Variants in RBL1 observed in about 807,000 individuals in gnomAD.
RBL1 encodes RB transcriptional corepressor like 1, also known as retinoblastoma-like protein 1.
RBL1 carries 82 observed loss-of-function variants against 123.0 expected under a neutral mutation model. The ratio of observed to expected loss-of-function variants is 0.67; its 90% CI spans 0.56 to 0.80. RBL1 has a LOEUF of 0.80. Among genes scored for constraint, RBL1 ranks in the 30% least tolerant of loss-of-function variants. The pLI is 0.00. For synonymous variants in RBL1, 405 were observed against 441.3 expected, an observed-to-expected ratio of 0.92 and a Z score of 1.03; for missense variants, 1,171 against 1,299.6, an observed-to-expected ratio of 0.90 and a Z score of 1.52.
intron 18 of RBL1, among the ~76,000 whole-genome samples, chr20:37,018,938 ACT>A (rs1266200917): frequency 4.6e-5 from 7 of 152,160 alleles, no homozygotes; most frequent in African/African-American, 1.7e-4. Flanking sequence ...ACAGAGCAAG[ACT>A]CTGCTCAAAT....
intron 13 of RBL1, among the ~76,000 whole-genome samples, chr20:37,040,541 C>G (rs911083300): frequency 2.6e-5 from 4 of 151,848 alleles, no homozygotes; most frequent in East Asian, 1.9e-4. Context: ...TTAGGAGAGA[C>G]GAGGTTTCAC....
chr20:37,033,134 C>T (rs1469101301), intron 15 of RBL1, among the ~76,000 whole-genome samples: 1 of 150,202 alleles, frequency 6.7e-6, no homozygotes, highest in Non-Finnish European at 1.5e-5. Flanking sequence ...CCTCCCATTT[C>T]AACCCCCGCA....
intron 9 of RBL1, among the ~76,000 whole-genome samples, chr20:37,060,375 T>C (rs990061067): frequency 5.9e-5 from 9 of 152,070 alleles, no homozygotes; most frequent in African/African-American, 2.2e-4. Flanking sequence ...AATCAAAACA[T>C]GCATAACTCA....
intron 6 of RBL1, 117 bp downstream of exon 6, chr20:37,066,607 G>C: frequency 1.1e-6 from 1 of 912,194 alleles, no homozygotes; most frequent in Non-Finnish European, 1.6e-6. Flanking sequence ...AGAGGCTAAA[G>C]CCTGGGAATC....
intron 9 of RBL1, among the ~76,000 whole-genome samples, chr20:37,060,739 C>T (rs529968381): frequency 2.0e-4 from 30 of 151,318 alleles, no homozygotes; most frequent in Non-Finnish European, 2.4e-4. Context: ...GCTGTGATTG[C>T]GGCACTGCAC....
chr20:37,058,037 A>C (rs1438921771), intron 9 of RBL1, among the ~76,000 whole-genome samples: 1 of 151,334 alleles, frequency 6.6e-6, no homozygotes, highest in Non-Finnish European at 1.5e-5. Context: ...AGGCAGGAGA[A>C]TCGATTGAAC....
intron 11 of RBL1, chr20:37,049,166 C>T: frequency 3.4e-6 from 1 of 298,038 alleles, no homozygotes; most frequent in Non-Finnish European, 6.4e-6. Flanking sequence ...CATGCTACTG[C>T]ACTCCAGCCA....
intron 16 of RBL1, among the ~76,000 whole-genome samples, chr20:37,026,626 C>A (rs566878063): frequency 2.0e-5 from 3 of 151,624 alleles, no homozygotes; most frequent in Admixed American, 2.0e-4. Context: ...ATTGCTTGAA[C>A]CCGGGCGGCA....
intron 21 of RBL1, 117 bp from the exon 22 acceptor site, chr20:36,999,046 A>T (rs547408400): frequency 1.1e-6 from 1 of 930,722 alleles, no homozygotes; most frequent in East Asian, 2.6e-5. Context: ...TAACACTGGG[A>T]TAAGGACTCT....
At chr20:37,077,612 C>T (rs1232816733) in intron 2 of RBL1, among the ~76,000 whole-genome samples, 3 of 152,126 alleles carry the variant, frequency 2.0e-5, no homozygotes, top group Non-Finnish European at 4.4e-5. Context: ...CTCCAAGCCT[C>T]CATCGTGTGA....
chr20:37,007,587 A>G, intron 19 of RBL1, 28 bp from the exon 20 acceptor site: 1 of 1,604,152 alleles, frequency 6.2e-7, no homozygotes, highest in Non-Finnish European at 8.5e-7. Context: ...ATGTTGTGAT[A>G]CAAAGCATAC....
chr20:37,054,308 C>T (rs528345457), intron 11 of RBL1, among the ~76,000 whole-genome samples: 1 of 151,968 alleles, frequency 6.6e-6, no homozygotes, highest in South Asian at 2.1e-4. Flanking sequence ...GACAGTGAAG[C>T]CCCGTCTCTA....
chr20:37,015,091 A>G (rs890704712), intron 19 of RBL1, among the ~76,000 whole-genome samples: 3 of 151,600 alleles, frequency 2.0e-5, no homozygotes, highest in Admixed American at 1.3e-4. Flanking sequence ...AAAGAAAGAA[A>G]GAAAGAAATT....
intron 11 of RBL1, among the ~76,000 whole-genome samples, chr20:37,054,395 A>G (rs1349764120): frequency 9.9e-5 from 15 of 151,274 alleles, no homozygotes; most frequent in Admixed American, 9.2e-4. Context: ...TGAGGCAGAG[A>G]ACTGCTTGAA....
At chr20:37,042,359 G>T (rs889418370) in intron 13 of RBL1, among the ~76,000 whole-genome samples, 2 of 152,078 alleles carry the variant, frequency 1.3e-5, no homozygotes, top group African/African-American at 2.4e-5. Context: ...ACTCCTACTA[G>T]AATGGCAGGA....
intron 8 of RBL1, among the ~76,000 whole-genome samples, chr20:37,061,656 A>G (rs2146294736): frequency 6.6e-6 from 1 of 152,340 alleles, no homozygotes; most frequent in African/African-American, 2.4e-5. Context: ...CATTTTACAC[A>G]TAAATACAGA....
intron 2 of RBL1, among the ~76,000 whole-genome samples, chr20:37,088,555 T>C (rs1435398797): frequency 2.0e-5 from 3 of 152,092 alleles, no homozygotes; most frequent in African/African-American, 2.4e-5. Flanking sequence ...ATCTATGTTA[T>C]AACTTAGAAT....
At chr20:37,033,534 C>T (rs112645448) in intron 15 of RBL1, among the ~76,000 whole-genome samples, 3 of 150,862 alleles carry the variant, frequency 2.0e-5, no homozygotes, top group Non-Finnish European at 2.9e-5. Flanking sequence ...AGGTTAGTCT[C>T]GAACTCGTCA....
At chr20:37,081,303 C>T (rs943766210) in intron 2 of RBL1, among the ~76,000 whole-genome samples, 6 of 152,064 alleles carry the variant, frequency 3.9e-5, no homozygotes, top group African/African-American at 1.2e-4. Context: ...TCTGCAATGG[C>T]GAGTCAATCT....
Sources: gnomAD v4.1 joint callset for allele counts (sites outside exome capture counted in the v4.1 genomes callset) on GRCh38, gnomAD v4.1.1 for gene constraint, MANE v1.5 for transcripts, NCBI Gene and HGNC (gene_info 2026-07-23, HGNC 2026-07-21) for gene names.